Variants in CALCR observed in about 807,000 individuals in gnomAD.
CALCR encodes calcitonin receptor.
CALCR carries 47 observed loss-of-function variants against 59.5 expected under a neutral mutation model. That is an observed-to-expected ratio of 0.79 (90% CI 0.63 to 1.01). The LOEUF (loss-of-function observed/expected upper bound fraction) is 1.01, where lower values mean the gene tolerates loss of function less well. CALCR is among the 50% of genes least tolerant of loss of function. The pLI is 0.00. For missense variants in CALCR, 566 were observed against 597.1 expected, an observed-to-expected ratio of 0.95 and a Z score of 0.54; for synonymous variants, 213 against 211.3, an observed-to-expected ratio of 1.01 and a Z score of -0.07.
Position 93,479,393 on chromosome 7 carries a change from A to T in CALCR, c.166T>A (p.Tyr56Asn). 3 of 1,611,748 alleles carry T rather than the reference A, an allele frequency of 1.9e-6. No homozygotes were observed. Among genetic ancestry groups the T allele is most frequent in the Non-Finnish European group, 8.5e-7 (1 of 1,178,674 alleles). The change falls in exon 4 of 14, where the codon TAT (tyrosine) becomes AAT (asparagine). Residue 56 changes from tyrosine to asparagine, a missense_variant. Transcript: ENST00000426151. ...GCGGGTAACTGCTGCATTCGGTCATAGCATTTGTACTGTGCATCCATCATC... is the reference window on the plus strand; with the variant it reads ...GCGGGTAACTGCTGCATTCGGTCATTGCATTTGTACTGTGCATCCATCATC... ...KKMMDAQYKC[Y>N]DRMQQLPAYQ...
At chr7:93,438,712 C>G (rs1009887735) in intron 9 of CALCR, among the ~76,000 whole-genome samples, 39 of 152,152 alleles carry the variant, frequency 2.6e-4, no homozygotes, top group African/African-American at 9.2e-4. Flanking sequence ...AAAGCCTTAG[C>G]TGATGTTCAC....
intron 8 of CALCR, among the ~76,000 whole-genome samples, chr7:93,452,974 A>C (rs1180465739): frequency 6.6e-6 from 1 of 152,022 alleles, no homozygotes; most frequent in Non-Finnish European, 1.5e-5. Flanking sequence ...CCACTTATTT[A>C]GCTGTATATT....
chr7:93,481,075 G>A (rs556180985), intron 3 of CALCR, among the ~76,000 whole-genome samples: 14 of 151,974 alleles, frequency 9.2e-5, no homozygotes, highest in Admixed American at 2.6e-4. Context: ...CCTAGGAAAC[G>A]TAAAATAAGA....
chr7:93,564,460 T>C (rs73223657), intron 2 of CALCR, among the ~76,000 whole-genome samples: 17 of 146,300 alleles, frequency 1.2e-4, no homozygotes, highest in Middle Eastern at 3.5e-3. Flanking sequence ...ACTACACTTT[T>C]AAAAAAAAAA....
chr7:93,464,370 C>CTGG (rs1176167926), intron 7 of CALCR, among the ~76,000 whole-genome samples: 1 of 151,944 alleles, frequency 6.6e-6, no homozygotes, highest in Non-Finnish European at 1.5e-5. Flanking sequence ...TTTGAAGTTA[C>CTGG]TGGTGCATGG....
intron 2 of CALCR, among the ~76,000 whole-genome samples, chr7:93,531,274 G>A (rs1254904852): frequency 1.3e-5 from 2 of 152,056 alleles, no homozygotes; most frequent in Non-Finnish European, 2.9e-5. Context: ...TCACTCGGTG[G>A]AGAAGAATTT....
intron 2 of CALCR, among the ~76,000 whole-genome samples, chr7:93,549,656 A>G (rs1019652478): frequency 6.6e-5 from 10 of 152,248 alleles, no homozygotes; most frequent in South Asian, 2.1e-4. Context: ...TTTAAAATTC[A>G]TTCAGACAAT....
At chr7:93,523,617 T>A (rs1446587658) in intron 2 of CALCR, among the ~76,000 whole-genome samples, 2 of 152,160 alleles carry the variant, frequency 1.3e-5, no homozygotes, top group Non-Finnish European at 2.9e-5. Context: ...ATTCTGTTGA[T>A]CTCTGTAAGC....
chr7:93,518,222 A>T (rs936269320), intron 2 of CALCR, among the ~76,000 whole-genome samples: 1 of 151,826 alleles, frequency 6.6e-6, no homozygotes, highest in Non-Finnish European at 1.5e-5. Context: ...ACACACACAC[A>T]CATACACACA....
At chr7:93,548,052 G>A (rs1025111925) in intron 2 of CALCR, among the ~76,000 whole-genome samples, 1 of 152,050 alleles carries the variant, frequency 6.6e-6, no homozygotes, top group African/African-American at 2.4e-5. Context: ...CTAAGGGATG[G>A]GCATATAAGT....
chr7:93,460,296 C>T (rs749863181), intron 8 of CALCR, among the ~76,000 whole-genome samples: 5 of 151,820 alleles, frequency 3.3e-5, no homozygotes, highest in Non-Finnish European at 5.9e-5. Flanking sequence ...TGGCTCACAC[C>T]TGTAATCCCA....
chr7:93,507,341 C>T (rs1011030063), intron 2 of CALCR, among the ~76,000 whole-genome samples: 6 of 151,854 alleles, frequency 4.0e-5, no homozygotes, highest in Admixed American at 6.6e-5. Context: ...CAGTTAATGC[C>T]TGATGGAGAA....
intron 2 of CALCR, among the ~76,000 whole-genome samples, chr7:93,563,645 T>A (rs1198942575): frequency 6.6e-6 from 1 of 152,212 alleles, no homozygotes; most frequent in African/African-American, 2.4e-5. Flanking sequence ...AAAATCGCTA[T>A]TTAATTCTCT....
At chr7:93,429,385 T>C (rs1192406601) in intron 13 of CALCR, among the ~76,000 whole-genome samples, 1 of 152,146 alleles carries the variant, frequency 6.6e-6, no homozygotes, top group Non-Finnish European at 1.5e-5. Flanking sequence ...GGGATAAATG[T>C]AACAACAACA....
intron 2 of CALCR, among the ~76,000 whole-genome samples, chr7:93,538,134 C>T (rs7789361): frequency 0.19 from 29,195 of 151,816 alleles, 3,472 homozygotes; most frequent in East Asian, 0.36. Flanking sequence ...TAAAGCTACA[C>T]ACTCAAAATA....
chr7:93,568,176 ATG>A, intron 2 of CALCR, among the ~76,000 whole-genome samples: 1 of 152,284 alleles, frequency 6.6e-6, no homozygotes, highest in Non-Finnish European at 1.5e-5. Context: ...ATCAATCATG[ATG>A]TGATATGACA....
At chr7:93,522,939 C>T (rs1801795358) in intron 2 of CALCR, among the ~76,000 whole-genome samples, 1 of 152,066 alleles carries the variant, frequency 6.6e-6, no homozygotes, top group South Asian at 2.1e-4. Flanking sequence ...TTATTACTTC[C>T]TGCTTTTTTT....
chr7:93,443,796 G>A, intron 8 of CALCR, 39 bp from the exon 9 acceptor site: 2 of 1,583,898 alleles, frequency 1.3e-6, no homozygotes, highest in Non-Finnish European at 1.7e-6. Flanking sequence ...GAAAGACACA[G>A]GTAAAGATCT....
intron 2 of CALCR, among the ~76,000 whole-genome samples, chr7:93,496,975 C>G (rs1801217340): frequency 6.6e-6 from 1 of 151,434 alleles, no homozygotes. Flanking sequence ...ACTAACTTGC[C>G]AAGGCATAAT....
Sources: allele counts gnomAD v4.1 joint callset (sites outside exome capture counted in the v4.1 genomes callset), GRCh38; gene constraint gnomAD v4.1.1; transcripts MANE v1.5; gene names NCBI Gene and HGNC (gene_info 2026-07-23, HGNC 2026-07-21).